The following FARSA variants were observed in gnomAD, a reference collection of about 807,000 sequenced individuals.
FARSA encodes phenylalanyl-tRNA synthetase subunit alpha, also known as phenylalanine--tRNA ligase alpha subunit.
Under a neutral mutation model 63.2 loss-of-function variants are expected in FARSA, and 37 were observed. The ratio of observed to expected loss-of-function variants is 0.59; its 90% CI spans 0.45 to 0.77. The LOEUF is 0.77. FARSA is among the 30% of genes least tolerant of loss of function. FARSA has a pLI of 0.00. For missense variants in FARSA, 618 were observed against 696.6 expected (o/e 0.89, Z 1.27); for synonymous variants, 312 against 285.1 (o/e 1.09, Z -0.95).
chr19:12,930,055 T>A (rs999010843), intron 4 of FARSA, among the ~76,000 whole-genome samples, 168 bp downstream of exon 4: 3 of 152,116 alleles, frequency 2.0e-5, no homozygotes, highest in African/African-American at 7.2e-5. Flanking sequence ...AGGGTCCTCA[T>A]GGGCAAAGAC....
At chr19:12,932,857 T>TC (rs1971411704) in intron 1 of FARSA, 1 of 152,062 alleles carries the variant, frequency 6.6e-6, no homozygotes, top group Non-Finnish European at 1.5e-5. Context: ...CTTCCCCACC[T>TC]CCCCCAAGCT....
At chr19:12,925,350 G>C (rs907872066) in intron 7 of FARSA, among the ~76,000 whole-genome samples, 176 bp from the exon 8 acceptor site, 1 of 151,726 alleles carries the variant, frequency 6.6e-6, no homozygotes, top group Non-Finnish European at 1.5e-5. Context: ...TCATTTGTGT[G>C]TGGCTTTTTT....
In FARSA at chr19:12,924,743, G is replaced by A; in HGVS notation, c.1091C>T (p.Ala364Val). ...DRVFRNETLDATHLAEFHQIE... is the reference protein window; with the variant it reads ...DRVFRNETLDVTHLAEFHQIE... ...CTGGTGGAACTCAGCCAGGTGCGTGGCGTCCAGGGTCTCATTCCGGAATAC... is the reference window on the plus strand; with the variant it reads ...CTGGTGGAACTCAGCCAGGTGCGTGACGTCCAGGGTCTCATTCCGGAATAC... The change falls in exon 10 of 13, where the codon GCC (alanine) becomes GTC (valine). Residue 364 changes from alanine to valine, a missense_variant. Physicochemically the swap from Ala to Val is moderately conservative, Grantham distance 64. Coordinates refer to ENST00000314606, the MANE Select transcript of FARSA (RefSeq NM_004461.3). This position sits in a 1 kb window ranked among gnomAD's most constrained non-coding sequence, Gnocchi z 6.4. 6.2e-7 allele frequency: 1 copy of A among 1,601,252 alleles called. No individual in the cohort carries two copies. Among genetic ancestry groups the A allele is most frequent in the East Asian group, 2.2e-5 (1 of 44,632 alleles).
chr19:12,924,521 T>G lies in FARSA; in HGVS notation c.1201A>C (p.Thr401Pro). ...TAGGCTGGCTTGAAGCGGAGTTGCG[T>G]GATACCTGCAGGAAGTGGGGGGCGG... is the stretch of plus-strand genomic sequence containing the variant. ...LREFFTKLGI[T>P]QLRFKPAYNP... is the part of the protein sequence containing the mutation. Residue 401 changes from threonine (T) to proline (P), a missense_variant, in exon 11 of 13, where the codon ACG (threonine) becomes CCG (proline). Transcript: ENST00000314606. The surrounding 1 kb of genome is among the most constrained non-coding windows in gnomAD (Gnocchi z 6.4). 1.2e-6 allele frequency: 2 copies of G among 1,613,516 alleles called. No individual in the cohort carries two copies.
intron 8 of FARSA, 28 bp downstream of exon 8, chr19:12,925,062 C>G (rs556661125): frequency 1.2e-6 from 2 of 1,612,592 alleles, no homozygotes; most frequent in South Asian, 2.2e-5. Flanking sequence ...GCCTCCTTCC[C>G]TTCCATACCA....
At chr19:12,925,463 T>C (rs1439581355) in intron 7 of FARSA, among the ~76,000 whole-genome samples, 3 of 151,834 alleles carry the variant, frequency 2.0e-5, no homozygotes, top group Non-Finnish European at 4.4e-5. Context: ...GTTCAAGCAA[T>C]TCTCCTGATT....
rs984678253 is a variant in FARSA at position 12,922,578 on chromosome 19, C to A, written c.*170G>T. On this transcript the variant is annotated 3_prime_UTR_variant, in exon 13 of 13. Transcript: ENST00000314606. The stretch of plus-strand genomic sequence containing the variant: ...CACCACACAGGACAACAGAAGGAAC[C>A]TGCTACCCAGTCCTCTGTCCCTGGG... The A allele has an allele frequency of 6.3e-6, 5 of 792,634 alleles. No homozygotes were observed. In the African/African-American group the frequency reaches 8.7e-5, roughly 14 times the overall value. 49.1% of individuals were successfully genotyped at this position (792,634 alleles called of 1,614,324 possible).
chr19:12,922,753 C>A lies in FARSA; in HGVS notation c.1522G>T (p.Ala508Ser), dbSNP rs1568443062. ...CTGTCCTAGAGTGGCCCATGTCACG[C>A]AGCCTCCTGTGTGGGAGGGGGCCTC... is the stretch of plus-strand genomic sequence containing the variant. ...EPRPPPTQEAA is the reference protein window; with the variant it reads ...EPRPPPTQEAS Residue 508 changes from alanine to serine, a missense_variant, in exon 13 of 13, where the codon GCG becomes TCG. Ala to Ser is a moderately conservative substitution (Grantham distance 99). Coordinates refer to ENST00000314606, the MANE Select transcript of FARSA (RefSeq NM_004461.3). The A allele has an allele frequency of 1.2e-6, 2 of 1,613,734 alleles. No homozygotes were observed. Among genetic ancestry groups the A allele is most frequent in the Admixed American group, 3.3e-5 (2 of 59,996 alleles).
Position 12,928,525 on chromosome 19 carries a change from C to T in FARSA, c.725+10G>A. 6.2e-7 allele frequency: 1 copy of T among 1,614,138 alleles called. No individual in the cohort carries two copies. On this transcript the variant is annotated intron_variant, in intron 6 of 12. Coordinates refer to ENST00000314606, the MANE Select transcript of FARSA (RefSeq NM_004461.3). ...GAAGCACCAGGCACCGCCCCCAGCC[C>T]TGTGCTCACCCCATCTCCAGGAAGA...
chr19:12,932,740 A>G (rs931696329), intron 1 of FARSA, among the ~76,000 whole-genome samples: 1 of 152,160 alleles, frequency 6.6e-6, no homozygotes, highest in African/African-American at 2.4e-5. Flanking sequence ...TGGGTGGCCC[A>G]CGGGCCCCTC....
intron 4 of FARSA, among the ~76,000 whole-genome samples, chr19:12,929,102 G>C (rs1971362836): frequency 6.6e-6 from 1 of 152,180 alleles, no homozygotes; most frequent in Non-Finnish European, 1.5e-5. Flanking sequence ...ACACGACTGA[G>C]TGATGATACT....
At chr19:12,928,226 A>C (rs1971349550) in intron 7 of FARSA, 116 bp downstream of exon 7, 1 of 779,932 alleles carries the variant, frequency 1.3e-6, no homozygotes, top group Non-Finnish European at 2.0e-6. Context: ...CTACAGGTGC[A>C]CACCACCATG....
In FARSA at chr19:12,924,711, C is replaced by T; in HGVS notation, c.1123G>A (p.Gly375Ser). Residue 375 changes from glycine (G) to serine (S), a missense_variant, in exon 10 of 13, where the codon GGC (glycine) becomes AGC (serine). Physicochemically the swap from Gly to Ser is moderately conservative, Grantham distance 56. Coordinates refer to ENST00000314606, the MANE Select transcript of FARSA (RefSeq NM_004461.3). The surrounding 1 kb of genome is among the most constrained non-coding windows in gnomAD (Gnocchi z 6.4). The part of the protein sequence containing the change: ...THLAEFHQIE[G>S]VVADHGLTLG... ...GTGAGACCATGATCCGCCACCACGCCCTCGATCTGGTGGAACTCAGCCAGG... is the reference window on the plus strand; with the variant it reads ...GTGAGACCATGATCCGCCACCACGCTCTCGATCTGGTGGAACTCAGCCAGG... 2 of 1,597,032 alleles carry T rather than the reference C, an allele frequency of 1.3e-6. No homozygotes were observed. The highest frequency in any genetic ancestry group is 1.7e-6 in the Non-Finnish European group (2 of 1,168,740).
chr19:12,927,904 C>A (rs1049228222), intron 7 of FARSA, among the ~76,000 whole-genome samples: 3 of 151,218 alleles, frequency 2.0e-5, no homozygotes, highest in Non-Finnish European at 4.4e-5. Context: ...CACCTGTAAT[C>A]CCAGCTACTC....
Position 12,928,741 on chromosome 19 carries a change from G to A in FARSA, c.596+14C>T, listed in dbSNP as rs1419021784. 1 of 1,614,158 alleles carries A rather than the reference G, an allele frequency of 6.2e-7. No individual in the cohort carries two copies. The highest frequency in any genetic ancestry group is 8.5e-7 in the Non-Finnish European group (1 of 1,180,030). ...CCAGCTCCCACCTGCCCTGACCCTG[G>A]GGTTGCCTGCTACCTGGAGATCATC... On this transcript the variant is annotated intron_variant, in intron 5 of 12. Transcript: ENST00000314606.
At chr19:12,932,220 A>G (rs570330894) in intron 1 of FARSA, among the ~76,000 whole-genome samples, 82 of 151,988 alleles carry the variant, frequency 5.4e-4, no homozygotes, top group Non-Finnish European at 3.1e-4. Flanking sequence ...TTTAGTAGAG[A>G]CAGGGTTTCA....
At chr19:12,933,260 A>G in intron 1 of FARSA, 1 of 427,550 alleles carries the variant, frequency 2.3e-6, no homozygotes, top group Non-Finnish European at 4.2e-6. Context: ...TTCTTGAAGC[A>G]CCTTCCTATT....
intron 1 of FARSA, among the ~76,000 whole-genome samples, chr19:12,932,335 T>C (rs772236396): frequency 1.3e-5 from 2 of 152,144 alleles, no homozygotes; most frequent in Non-Finnish European, 2.9e-5. Context: ...CGGCATAAAT[T>C]CTAATTACTA....
rs1285805435 is a variant in FARSA, at chr19:12,928,171, C to T, written c.841+171G>A. Among the ~76,000 whole-genome samples the T allele has an allele frequency of 3.9e-5, 6 of 152,078 alleles. No individual in the cohort carries two copies. In the East Asian group the frequency reaches 1.2e-3, roughly 29 times the overall value. ...TGTTGCCTGAGCTGGATTTGAACTC[C>T]TGGGCTCATGCAATCCTCCTGCCTT... On this transcript the variant is annotated intron_variant, in intron 7 of 12. Coordinates refer to ENST00000314606, the MANE Select transcript of FARSA (RefSeq NM_004461.3).
Sources: allele counts gnomAD v4.1 joint callset (sites outside exome capture counted in the v4.1 genomes callset), GRCh38; gene constraint gnomAD v4.1.1; non-coding constraint Gnocchi (gnomAD v3.1); transcripts MANE v1.5; gene names NCBI Gene and HGNC (gene_info 2026-07-23, HGNC 2026-07-21).